The following ATRX variants were observed in gnomAD, a reference collection of about 807,000 sequenced individuals.
ATRX encodes ATRX chromatin remodeler.
Under a neutral mutation model 172.6 loss-of-function variants are expected in ATRX, and 12 were observed. The ratio of observed to expected loss-of-function variants is 0.07; its 90% CI spans 0.04 to 0.11. The LOEUF (loss-of-function observed/expected upper bound fraction) is 0.11. Ranked by LOEUF, ATRX falls within the 10% of genes least tolerant of loss-of-function variation. The pLI, the probability that ATRX is intolerant of heterozygous loss-of-function variation, is 1.00. For synonymous variants in ATRX, 674 were observed against 594.7 expected, an observed-to-expected ratio of 1.13 and a Z score of -1.94; for missense variants, 1,368 against 1,767.4, an observed-to-expected ratio of 0.77 and a Z score of 4.05.
At chrX:77,712,772 T>C in intron 2 of ATRX, among the ~76,000 whole-genome samples, 2 of 111,022 alleles carry the variant, frequency 1.8e-5, no homozygotes, top group Non-Finnish European at 3.8e-5. Flanking sequence ...GAGGTTGCAG[T>C]GAGCTGAGAT....
chrX:77,599,262 A>T, intron 25 of ATRX, 149 bp downstream of exon 25: 1 of 595,612 alleles, frequency 1.7e-6, no homozygotes. Context: ...TCAGATATTT[A>T]CTGTAATTAT....
chrX:77,687,032 T>C (rs2071607770), intron 7 of ATRX, among the ~76,000 whole-genome samples: 1 of 107,086 alleles, frequency 9.3e-6, no homozygotes, highest in South Asian at 4.2e-4. Context: ...TGGACACCTG[T>C]AATCCCAGCT....
intron 10 of ATRX, chrX:77,673,993 C>G (rs2070746111): frequency 9.0e-6 from 1 of 110,706 alleles, no homozygotes; most frequent in African/African-American, 3.3e-5. Context: ...AATAGTTAAC[C>G]ATTTGCAATA....
At chrX:77,545,116 G>A (rs983215434) in intron 30 of ATRX, among the ~76,000 whole-genome samples, 1 of 112,450 alleles carries the variant, frequency 8.9e-6, no homozygotes, top group Admixed American at 9.5e-5. Context: ...TGGAAACTTA[G>A]CCATCTGTAG....
chrX:77,747,083 G>A (rs1196478186), intron 1 of ATRX, among the ~76,000 whole-genome samples: 4 of 111,044 alleles, frequency 3.6e-5, no homozygotes, highest in Non-Finnish European at 5.7e-5. Context: ...ACAGGCGTGA[G>A]CCACCGCGCC....
chrX:77,718,220 G>A (rs1348036283), intron 1 of ATRX, among the ~76,000 whole-genome samples: 7 of 109,655 alleles, frequency 6.4e-5, no homozygotes, highest in African/African-American at 2.0e-4. Flanking sequence ...GCCCTAAGCA[G>A]TGTTTTGGTT....
At chrX:77,785,838 T>G in intron 1 of ATRX, 144 bp downstream of exon 1, 1 of 734,100 alleles carries the variant, frequency 1.4e-6, no homozygotes, top group African/African-American at 3.0e-5. Flanking sequence ...CCCGAAACCC[T>G]TCTCACCTAA....
chrX:77,591,698 A>G (rs1035064550), intron 26 of ATRX, among the ~76,000 whole-genome samples: 1 of 112,181 alleles, frequency 8.9e-6, no homozygotes, highest in Non-Finnish European at 1.9e-5. Flanking sequence ...TCAAATGACC[A>G]AGGCCTATGC....
intron 32 of ATRX, chrX:77,521,910 A>C (rs1557041589): frequency 3.5e-5 from 8 of 229,604 alleles, no homozygotes. Flanking sequence ...CTAGAATAGA[A>C]GTTAATGAGT....
intron 1 of ATRX, among the ~76,000 whole-genome samples, chrX:77,737,342 G>A (rs1269850795): frequency 1.0e-5 from 1 of 97,325 alleles, no homozygotes; most frequent in Non-Finnish European, 2.0e-5. Context: ...AGAATCATTT[G>A]AACCCAGGAG....
At chrX:77,668,252 C>G (rs1435247521) in intron 10 of ATRX, among the ~76,000 whole-genome samples, 1 of 111,267 alleles carries the variant, frequency 9.0e-6, no homozygotes, top group Non-Finnish European at 1.9e-5. Context: ...TACCTTAACT[C>G]TGGAGTCACG....
chrX:77,708,237 A>C (rs1467087714), intron 2 of ATRX, among the ~76,000 whole-genome samples: 3 of 112,781 alleles, frequency 2.7e-5, no homozygotes, highest in Non-Finnish European at 5.6e-5. Context: ...ATAATGGAAT[A>C]TTATGTGGCC....
intron 15 of ATRX, among the ~76,000 whole-genome samples, chrX:77,643,046 T>A (rs2068732407): frequency 8.9e-6 from 1 of 112,124 alleles, no homozygotes; most frequent in Admixed American, 9.4e-5. Context: ...CCCCACCACC[T>A]ACCAGAAGGT....
chrX:77,761,316 T>C (rs781868828), intron 1 of ATRX, among the ~76,000 whole-genome samples: 78 of 110,989 alleles, frequency 7.0e-4, no homozygotes, highest in Admixed American at 1.5e-3. Flanking sequence ...GGCGGGCAGA[T>C]TGCTTGAGCT....
intron 14 of ATRX, among the ~76,000 whole-genome samples, chrX:77,652,664 G>A (rs189710323): frequency 3.1e-4 from 33 of 107,739 alleles, no homozygotes; most frequent in Admixed American, 1.4e-3. Flanking sequence ...AAAATTAGCC[G>A]GGCATGGCAG....
intron 1 of ATRX, among the ~76,000 whole-genome samples, chrX:77,780,336 T>C (rs1276835597): frequency 9.0e-6 from 1 of 110,726 alleles, no homozygotes; most frequent in African/African-American, 3.3e-5. Flanking sequence ...TTATTTGTTT[T>C]TGTTTTTGTT....
intron 1 of ATRX, among the ~76,000 whole-genome samples, chrX:77,777,972 C>A (rs781833290): frequency 1.2e-4 from 13 of 108,716 alleles, no homozygotes; most frequent in African/African-American, 4.0e-4. Flanking sequence ...CCCGTCTCTA[C>A]TAAAAATACA....
intron 10 of ATRX, among the ~76,000 whole-genome samples, chrX:77,672,293 T>A (rs1557131300): frequency 2.7e-5 from 3 of 110,827 alleles, no homozygotes. Context: ...ACAACATGTG[T>A]AGGAGACAGA....
chrX:77,656,032 G>C (rs1557119700), intron 13 of ATRX, among the ~76,000 whole-genome samples: 1 of 111,427 alleles, frequency 9.0e-6, no homozygotes, highest in East Asian at 2.8e-4. Context: ...CGTGTTACAA[G>C]AACAAGCATA....
Sources: allele counts gnomAD v4.1 joint callset (sites outside exome capture counted in the v4.1 genomes callset), GRCh38; gene constraint gnomAD v4.1.1; transcripts MANE v1.5; gene names NCBI Gene and HGNC (gene_info 2026-07-23, HGNC 2026-07-21).